Variants in DNAH5 observed in about 807,000 individuals in gnomAD.
DNAH5 encodes axonemal beta dynein heavy chain 5.
Under a neutral mutation model 518.2 loss-of-function variants are expected in DNAH5, and 372 were observed. The observed-to-expected ratio is 0.72, with a 90% CI of 0.66 to 0.78. The LOEUF (loss-of-function observed/expected upper bound fraction) is 0.78, where lower values mean the gene tolerates loss of function less well. Among genes scored for constraint, DNAH5 ranks in the 30% least tolerant of loss-of-function variants. The pLI is 0.00. For synonymous variants in DNAH5, 2,039 were observed against 2,025.9 expected (o/e 1.01, Z -0.17); for missense variants, 5,523 against 5,687.0 (o/e 0.97, Z 0.93).
chr5:13,847,780 G>C (rs189956917), intron 31 of DNAH5, among the ~76,000 whole-genome samples: 1,776 of 151,536 alleles, frequency 0.012, 32 homozygotes, highest in African/African-American at 0.036. Flanking sequence ...GTGTGTGTGT[G>C]TGTCTGTCTG....
intron 1 of DNAH5, among the ~76,000 whole-genome samples, chr5:13,983,627 C>T (rs1032284094): frequency 6.6e-6 from 1 of 152,154 alleles, no homozygotes; most frequent in Non-Finnish European, 1.5e-5. Flanking sequence ...ATCTGGGGTC[C>T]TGGACCATGC....
intron 1 of DNAH5, among the ~76,000 whole-genome samples, chr5:13,971,499 G>A (rs1308787617): frequency 6.6e-6 from 1 of 152,086 alleles, no homozygotes; most frequent in African/African-American, 2.4e-5. Context: ...CCTTCCCCTA[G>A]GGATAGGGCT....
intron 47 of DNAH5, among the ~76,000 whole-genome samples, chr5:13,799,206 A>C (rs1561290030): frequency 1.5e-4 from 21 of 139,138 alleles, no homozygotes; most frequent in South Asian, 4.6e-4. Flanking sequence ...AGAATTTCAT[A>C]CCCCCCCCCA....
intron 29 of DNAH5, among the ~76,000 whole-genome samples, chr5:13,861,316 A>G (rs957543105): frequency 9.8e-5 from 15 of 152,320 alleles, no homozygotes; most frequent in African/African-American, 3.6e-4. Flanking sequence ...TAATGGTCTA[A>G]CTTTATATCC....
intron 30 of DNAH5, among the ~76,000 whole-genome samples, chr5:13,858,758 A>T (rs1224483116): frequency 6.6e-6 from 1 of 152,222 alleles, no homozygotes; most frequent in Admixed American, 6.5e-5. Context: ...CCAAAAAAGA[A>T]GTTCAGAAAC....
chr5:13,727,757 G>T (rs1745953795), intron 69 of DNAH5, 101 bp from the exon 70 acceptor site: 1 of 1,262,126 alleles, frequency 7.9e-7, no homozygotes. Flanking sequence ...CTCCAGATAT[G>T]TGTAAATTAT....
chr5:13,937,248 G>A (rs959635107), intron 1 of DNAH5, among the ~76,000 whole-genome samples: 3 of 149,148 alleles, frequency 2.0e-5, no homozygotes, highest in East Asian at 2.0e-4. Context: ...AAAAATATGC[G>A]CTTAACAGTT....
chr5:13,970,291 A>G (rs1157059319), intron 1 of DNAH5, among the ~76,000 whole-genome samples: 1 of 152,040 alleles, frequency 6.6e-6, no homozygotes, highest in Non-Finnish European at 1.5e-5. Flanking sequence ...CATTTACATT[A>G]GTATTGAGAA....
rs376821773 is a variant in DNAH5 at position 13,771,840 on chromosome 5, A to G, written c.9374-860T>C. 7.9e-5 allele frequency among the ~76,000 whole-genome samples: 12 copies of G among 152,240 alleles called. No individual in the cohort carries two copies. In the East Asian group the frequency reaches 1.5e-3, roughly 20 times the overall value. The stretch of plus-strand genomic sequence containing the variant: ...TTGTAAAGAGAAATATGGTCAATAA[A>G]ATGGGAGAGAAATGAATCAAGTAAG... On this transcript the variant is annotated intron_variant, in intron 55 of 78. Transcript: ENST00000265104.
intron 1 of DNAH5, among the ~76,000 whole-genome samples, chr5:13,939,722 G>A (rs756833569): frequency 6.6e-6 from 1 of 152,118 alleles, no homozygotes; most frequent in Admixed American, 6.6e-5. Context: ...TACTTTTCAA[G>A]TCTTGCCTTT....
At chr5:13,862,820 C>T (rs1298762853) in intron 28 of DNAH5, 73 bp from the exon 29 acceptor site, 4 of 892,724 alleles carry the variant, frequency 4.5e-6, no homozygotes, top group East Asian at 2.6e-5. Flanking sequence ...ACGTGCAATA[C>T]CCCATCTTCA....
chr5:13,784,643 A>G (rs1204828005), intron 52 of DNAH5, among the ~76,000 whole-genome samples: 1 of 152,208 alleles, frequency 6.6e-6, no homozygotes, highest in Admixed American at 6.5e-5. Flanking sequence ...AGTAATTTTT[A>G]GAGGTGACAA....
At chr5:13,935,529 T>C (rs919784573) in intron 1 of DNAH5, among the ~76,000 whole-genome samples, 7 of 152,218 alleles carry the variant, frequency 4.6e-5, no homozygotes, top group Non-Finnish European at 8.8e-5. Context: ...ATTGTTCTAT[T>C]GCCTGAAGAC....
In DNAH5 at chr5:13,934,320, C is replaced by A. The variant is rs367881321; in HGVS notation, c.58-3076G>T. Among the ~76,000 whole-genome samples the A allele has an allele frequency of 2.6e-5, 4 of 152,232 alleles. No homozygotes were observed. In the East Asian group the frequency reaches 7.7e-4, roughly 29 times the overall value. ...TCCCCTACAGATGACAGCAAGCCAGCCAATGGCACCTGCAGAAGAACCACC... is the reference window on the plus strand; with the variant it reads ...TCCCCTACAGATGACAGCAAGCCAGACAATGGCACCTGCAGAAGAACCACC... On this transcript the variant is annotated intron_variant, in intron 1 of 78. Coordinates refer to ENST00000265104, the MANE Select transcript of DNAH5 (RefSeq NM_001369.3).
chr5:13,898,394 G>A (rs1347253341), intron 15 of DNAH5: 1 of 396,146 alleles, frequency 2.5e-6, no homozygotes, highest in African/African-American at 2.1e-5. Flanking sequence ...TATGTAAATT[G>A]ACTAAGTGAG....
At chr5:13,810,765 C>CA (rs552513435) in intron 44 of DNAH5, among the ~76,000 whole-genome samples, 51,307 of 145,684 alleles carry the variant, frequency 0.35, 9,162 homozygotes, top group East Asian at 0.59. Flanking sequence ...AAAAACAAAA[C>CA]AAACAAACAA....
At position 13,900,193 on chromosome 5, in the gene DNAH5, A is replaced by G; in HGVS notation, c.2259+13T>C. The G allele has an allele frequency of 6.2e-7, 1 of 1,604,864 alleles. No homozygotes were observed. The highest frequency in any genetic ancestry group is 1.1e-5 in the South Asian group (1 of 90,860). On this transcript the variant is annotated intron_variant, in intron 15 of 78. Transcript: ENST00000265104. ...CTAGCCAAGAATGGGGGGAAAAAAT[A>G]AAAGTAGTATACCTTCATGTTACTG...
intron 65 of DNAH5, among the ~76,000 whole-genome samples, chr5:13,739,921 T>C (rs1748183672): frequency 6.6e-6 from 1 of 152,176 alleles, no homozygotes; most frequent in Admixed American, 6.5e-5. Flanking sequence ...ATATCTCAGC[T>C]TCAGATCATA....
chr5:13,900,180 G>C, intron 15 of DNAH5, 26 bp downstream of exon 15: 2 of 1,572,868 alleles, frequency 1.3e-6, no homozygotes, highest in Non-Finnish European at 1.7e-6. Flanking sequence ...AGCCAAGAAT[G>C]GGGGGAAAAA....
Sources: allele counts gnomAD v4.1 joint callset (sites outside exome capture counted in the v4.1 genomes callset), GRCh38; gene constraint gnomAD v4.1.1; transcripts MANE v1.5; gene names NCBI Gene and HGNC (gene_info 2026-07-23, HGNC 2026-07-21).